Variants in EXOC6B observed in about 807,000 individuals in gnomAD.
EXOC6B encodes the protein SEC15 homolog B.
EXOC6B carries 54 observed loss-of-function variants against 113.5 expected under a neutral mutation model. The ratio of observed to expected loss-of-function variants is 0.48; its 90% CI spans 0.38 to 0.60. The LOEUF (loss-of-function observed/expected upper bound fraction) is 0.60. EXOC6B is among the 20% of genes least tolerant of loss of function. EXOC6B has a pLI of 0.00. For missense variants in EXOC6B, 797 were observed against 977.5 expected, an observed-to-expected ratio of 0.82 and a Z score of 2.46; for synonymous variants, 357 against 339.0, an observed-to-expected ratio of 1.05 and a Z score of -0.58.
At chr2:72,598,652 C>T (rs1296216810) in intron 6 of EXOC6B, among the ~76,000 whole-genome samples, 9 of 151,848 alleles carry the variant, frequency 5.9e-5, no homozygotes, top group African/African-American at 9.7e-5. Flanking sequence ...TCTAGCCAGG[C>T]TAACTGCAAA....
intron 8 of EXOC6B, among the ~76,000 whole-genome samples, chr2:72,533,784 A>G (rs532064360): frequency 1.3e-5 from 2 of 152,190 alleles, no homozygotes; most frequent in Non-Finnish European, 1.5e-5. Context: ...AATAATGCCA[A>G]TGTATTTATT....
intron 6 of EXOC6B, among the ~76,000 whole-genome samples, chr2:72,700,315 G>C (rs1189354767): frequency 6.6e-6 from 1 of 151,072 alleles, no homozygotes; most frequent in Admixed American, 6.6e-5. Flanking sequence ...CTTTGAGAGA[G>C]TAAGGGCTAT....
intron 6 of EXOC6B, among the ~76,000 whole-genome samples, chr2:72,698,958 G>A (rs541330118): frequency 2.5e-4 from 38 of 152,188 alleles, no homozygotes; most frequent in African/African-American, 8.4e-4. Flanking sequence ...ACATTGATAC[G>A]GACCTTAATA....
intron 20 of EXOC6B, among the ~76,000 whole-genome samples, chr2:72,196,158 A>G (rs41395): frequency 0.44 from 66,262 of 152,110 alleles, 17,670 homozygotes; most frequent in African/African-American, 0.75. Context: ...AACCTGCAGG[A>G]AAAACTACTG....
intron 11 of EXOC6B, among the ~76,000 whole-genome samples, chr2:72,512,854 G>A (rs972299669): frequency 1.3e-5 from 2 of 151,978 alleles, no homozygotes; most frequent in Non-Finnish European, 2.9e-5. Flanking sequence ...TGAAATAAGA[G>A]AATATGTATG....
Position 72,519,487 on chromosome 2 carries a change from G to A in EXOC6B, c.916-4361C>T, listed in dbSNP as rs372772731. Among the ~76,000 whole-genome samples the A allele has an allele frequency of 9.2e-5, 14 of 152,196 alleles. 1 individual carries two copies. Among genetic ancestry groups the A allele is most frequent in the African/African-American group, 2.6e-4 (11 of 41,528 alleles). On this transcript the variant is annotated intron_variant, in intron 8 of 21. Transcript: ENST00000272427. ...CTCAGGCATGAGTATAGTGCTGTTC[G>A]CTATGAGTTCAATGTTAATGAATCA...
Position 72,474,722 on chromosome 2 carries a change from G to C in EXOC6B, c.1800+5894C>G, listed in dbSNP as rs147603768. ...TCATGTTTCTCACTGAGCGTCTTTA[G>C]AATCAATCATTTAACTTCTTTTTCT... is the stretch of plus-strand genomic sequence containing the variant. On this transcript the variant is annotated intron_variant, in intron 17 of 21. Coordinates refer to ENST00000272427, the MANE Select transcript of EXOC6B (RefSeq NM_015189.3). 5.6e-4 allele frequency among the ~76,000 whole-genome samples: 85 copies of C among 152,036 alleles called. 1 individual carries two copies. The East Asian group carries it at 0.016, about 28-fold the overall frequency.
chr2:72,211,353 G>A (rs920360185), intron 20 of EXOC6B, among the ~76,000 whole-genome samples: 1 of 152,172 alleles, frequency 6.6e-6, no homozygotes, highest in Non-Finnish European at 1.5e-5. Context: ...GAGAGACTGA[G>A]GTGAGAAAAT....
At chr2:72,379,567 T>C (rs1402312663) in intron 19 of EXOC6B, among the ~76,000 whole-genome samples, 162 bp downstream of exon 19, 2 of 152,222 alleles carry the variant, frequency 1.3e-5, no homozygotes, top group Admixed American at 6.5e-5. Context: ...ATTAGCTTGC[T>C]GATAAACTCT....
At chr2:72,221,574 T>A (rs1345172811) in intron 20 of EXOC6B, among the ~76,000 whole-genome samples, 1 of 152,194 alleles carries the variant, frequency 6.6e-6, no homozygotes, top group East Asian at 1.9e-4. Flanking sequence ...GAATCTATTA[T>A]TTATGCTTAT....
At chr2:72,232,030 A>G (rs1681655376) in intron 20 of EXOC6B, among the ~76,000 whole-genome samples, 1 of 152,156 alleles carries the variant, frequency 6.6e-6, no homozygotes, top group Admixed American at 6.5e-5. Flanking sequence ...GTTGGAGTGC[A>G]GTGGCACAGT....
chr2:72,533,190 G>A (rs1416538901), intron 8 of EXOC6B, among the ~76,000 whole-genome samples: 1 of 152,122 alleles, frequency 6.6e-6, no homozygotes, highest in East Asian at 1.9e-4. Flanking sequence ...TGGCAATTCA[G>A]TGAAGGATGA....
intron 1 of EXOC6B, among the ~76,000 whole-genome samples, chr2:72,781,163 G>A (rs985876222): frequency 6.6e-6 from 1 of 152,150 alleles, no homozygotes; most frequent in Non-Finnish European, 1.5e-5. Context: ...GAGCTCAACA[G>A]TCTAGTACTT....
chr2:72,447,800 G>T (rs626469), intron 18 of EXOC6B, among the ~76,000 whole-genome samples: 3 of 151,932 alleles, frequency 2.0e-5, no homozygotes, highest in East Asian at 3.9e-4. Flanking sequence ...TGAATTGGGG[G>T]ATCCAATTAT....
At chr2:72,179,523 C>T in intron 21 of EXOC6B, 62 bp from the exon 22 acceptor site, 1 of 1,600,886 alleles carries the variant, frequency 6.2e-7, no homozygotes, top group Non-Finnish European at 8.5e-7. Context: ...GAAGGAGAAC[C>T]TGCAGGAAGC....
At chr2:72,506,484 CGAAA>C (rs1700602286) in intron 11 of EXOC6B, among the ~76,000 whole-genome samples, 1 of 152,116 alleles carries the variant, frequency 6.6e-6, no homozygotes, top group East Asian at 1.9e-4. Flanking sequence ...GTTACCTCAA[CGAAA>C]AGGCAGCTTG....
At chr2:72,671,801 AAG>A (rs768071489) in intron 6 of EXOC6B, among the ~76,000 whole-genome samples, 21 of 140,556 alleles carry the variant, frequency 1.5e-4, no homozygotes, top group African/African-American at 2.6e-4. Flanking sequence ...GAAAGAAAGA[AAG>A]AAAGAAAGAA....
chr2:72,801,674 A>G (rs375033589), intron 1 of EXOC6B, among the ~76,000 whole-genome samples: 16 of 152,340 alleles, frequency 1.1e-4, no homozygotes, highest in African/African-American at 3.1e-4. Context: ...AGATTAAATA[A>G]TCCTATCAAA....
intron 6 of EXOC6B, among the ~76,000 whole-genome samples, chr2:72,622,032 T>G (rs1671777588): frequency 1.3e-5 from 2 of 151,872 alleles, no homozygotes; most frequent in Non-Finnish European, 2.9e-5. Flanking sequence ...AGGAAAGAAA[T>G]AACTTTCATT....
Sources: allele counts gnomAD v4.1 joint callset (sites outside exome capture counted in the v4.1 genomes callset), GRCh38; gene constraint gnomAD v4.1.1; transcripts MANE v1.5; gene names NCBI Gene and HGNC (gene_info 2026-07-23, HGNC 2026-07-21).